Variants in USP3 observed in about 807,000 individuals in gnomAD.
The protein encoded by USP3 is ubiquitin carboxyl-terminal hydrolase 3.
In USP3, 20 loss-of-function variants were observed where a neutral mutation model predicts 72.3. The ratio of observed to expected loss-of-function variants is 0.28; its 90% CI spans 0.19 to 0.40. The LOEUF is 0.40. USP3 is among the 10% of genes least tolerant of loss of function. The pLI is 1.00. For synonymous variants in USP3, 222 were observed against 225.3 expected, an observed-to-expected ratio of 0.99 and a Z score of 0.13; for missense variants, 479 against 633.9, an observed-to-expected ratio of 0.76 and a Z score of 2.62.
intron 1 of USP3, among the ~76,000 whole-genome samples, chr15:63,530,334 T>C (rs572341970): frequency 1.6e-4 from 24 of 150,658 alleles, no homozygotes; most frequent in Admixed American, 1.6e-3. Flanking sequence ...ATCTTTTTTT[T>C]TTTTTTTCCT....
At chr15:63,504,931 A>G (rs940120957) in intron 1 of USP3, 101 bp downstream of exon 1, 1 of 929,692 alleles carries the variant, frequency 1.1e-6, no homozygotes, top group Non-Finnish European at 1.3e-6. Context: ...GGACTCGGGG[A>G]GGGGCGAGGG....
intron 1 of USP3, among the ~76,000 whole-genome samples, chr15:63,505,163 G>A (rs1384610132): frequency 2.6e-5 from 4 of 151,810 alleles, no homozygotes; most frequent in Non-Finnish European, 5.9e-5. Flanking sequence ...GCCGGGGGCT[G>A]TGCCCGTCCG....
intron 1 of USP3, among the ~76,000 whole-genome samples, chr15:63,512,139 T>A (rs1240436495): frequency 6.6e-6 from 1 of 152,000 alleles, no homozygotes; most frequent in Admixed American, 6.6e-5. Flanking sequence ...GTATCTTTAG[T>A]AGAGTCAGGG....
rs2067246460 is a variant in USP3, at chr15:63,593,790, C to G, written c.*2964C>G. 6.6e-6 allele frequency: 1 copy of G among 152,370 alleles called. No individual in the cohort carries two copies. Among genetic ancestry groups the G allele is most frequent in the Non-Finnish European group, 1.5e-5 (1 of 68,042 alleles). The allele number at this position is 152,370 out of a possible 1,614,324, so 9.4% of individuals were successfully genotyped here. A position where few individuals can be genotyped will look rare whatever the true frequency, so the allele number is the denominator to read the frequency against. ...TCTTTTGTCCTCTTCAGGGCTTTTCCCTTGTGCCATGTTGTCTCCAGCAAT... is the reference window on the plus strand; with the variant it reads ...TCTTTTGTCCTCTTCAGGGCTTTTCGCTTGTGCCATGTTGTCTCCAGCAAT... On this transcript the variant is annotated 3_prime_UTR_variant, in exon 15 of 15. Coordinates refer to ENST00000380324, the MANE Select transcript of USP3 (RefSeq NM_006537.4).
chr15:63,537,008 C>T lies in USP3; in HGVS notation c.153-17C>T. 6.2e-7 allele frequency: 1 copy of T among 1,600,948 alleles called. No homozygotes were observed. The highest frequency in any genetic ancestry group is 8.5e-7 in the Non-Finnish European group (1 of 1,174,966). ...CAAAGCAATATTTAAAGTAAATTTT[C>T]ATTTGGTTTTTGTAAGGTATGTGAA... On this transcript the variant is annotated splice_polypyrimidine_tract_variant and intron_variant, in intron 2 of 14. Coordinates refer to ENST00000380324, the MANE Select transcript of USP3 (RefSeq NM_006537.4).
intron 2 of USP3, among the ~76,000 whole-genome samples, chr15:63,535,460 T>C (rs2066141875): frequency 6.6e-6 from 1 of 152,202 alleles, no homozygotes; most frequent in African/African-American, 2.4e-5. Context: ...TTACGTCCAT[T>C]TTACAAATGA....
At position 63,588,451 on chromosome 15, in the gene USP3, C is replaced by A; in HGVS notation, c.1215+28C>A. 1 of 1,493,136 alleles carries A rather than the reference C, an allele frequency of 6.7e-7. No individual in the cohort carries two copies. Among genetic ancestry groups the A allele is most frequent in the Non-Finnish European group, 9.2e-7 (1 of 1,084,534 alleles). The allele number at this position is 1,493,136 out of a possible 1,614,324, so 92.5% of individuals were successfully genotyped here. On this transcript the variant is annotated intron_variant, in intron 12 of 14. Coordinates refer to ENST00000380324, the MANE Select transcript of USP3 (RefSeq NM_006537.4). This position sits in a 1 kb window ranked among gnomAD's most constrained non-coding sequence, Gnocchi z 4.6. ...GAGTGTTGAATTTTGAGTTATGAAG[C>A]AATTTCAATGGGAAAGTGCTTGACT... is the stretch of plus-strand genomic sequence containing the variant.
At chr15:63,545,940 C>T (rs188009852) in intron 3 of USP3, among the ~76,000 whole-genome samples, 1 of 126,862 alleles carries the variant, frequency 7.9e-6, no homozygotes, top group East Asian at 2.3e-4. Flanking sequence ...CATTGCACTC[C>T]AGCCTGGGTG....
In USP3 at chr15:63,574,464, C is replaced by T; in HGVS notation, c.1096+61C>T. 1 of 1,270,144 alleles carries T rather than the reference C, an allele frequency of 7.9e-7. No homozygotes were observed. Among genetic ancestry groups the T allele is most frequent in the Non-Finnish European group, 1.1e-6 (1 of 910,958 alleles). The allele number at this position is 1,270,144 out of a possible 1,614,324, so 78.7% of individuals were successfully genotyped here. On this transcript the variant is annotated intron_variant, in intron 11 of 14. Transcript: ENST00000380324. The surrounding 1 kb of genome is among the most constrained non-coding windows in gnomAD (Gnocchi z 4.6). ...TTAAATAATTGAATAGATTGATAAGCTTCATCTATATGTGGTATCTTTAAT... is the reference window on the plus strand; with the variant it reads ...TTAAATAATTGAATAGATTGATAAGTTTCATCTATATGTGGTATCTTTAAT...
intron 9 of USP3, among the ~76,000 whole-genome samples, chr15:63,572,525 T>G (rs546132633): frequency 6.2e-4 from 94 of 152,318 alleles, no homozygotes; most frequent in African/African-American, 2.1e-3. Flanking sequence ...TTACAAACAG[T>G]ACTTTAAAAA....
chr15:63,590,926 A>G lies in USP3; in HGVS notation c.*100A>G, dbSNP rs1287246242. 2.2e-6 allele frequency: 3 copies of G among 1,375,598 alleles called. No homozygotes were observed. Among genetic ancestry groups the G allele is most frequent in the Non-Finnish European group, 2.9e-6 (3 of 1,047,270 alleles). 85.2% of individuals were successfully genotyped at this position (1,375,598 alleles called of 1,614,324 possible). A position where few individuals can be genotyped will look rare whatever the true frequency, so the allele number is the denominator to read the frequency against. ...ATTTAATTTCATTATGCACTTTTCAATTTCCTATTTTGGATTTAGTTTTGT... is the reference window on the plus strand; with the variant it reads ...ATTTAATTTCATTATGCACTTTTCAGTTTCCTATTTTGGATTTAGTTTTGT... On this transcript the variant is annotated 3_prime_UTR_variant, in exon 15 of 15. Coordinates refer to ENST00000380324, the MANE Select transcript of USP3 (RefSeq NM_006537.4).
chr15:63,579,102 T>C (rs2066912467), intron 11 of USP3, among the ~76,000 whole-genome samples: 1 of 152,070 alleles, frequency 6.6e-6, no homozygotes, highest in African/African-American at 2.4e-5. Context: ...ACAGTAGCAA[T>C]AAAAACTCAA....
Position 63,588,100 on chromosome 15 carries a change from T to C in USP3, c.1097-205T>C. 1 of 422,202 alleles carries C rather than the reference T, an allele frequency of 2.4e-6. No individual in the cohort carries two copies. The highest frequency in any genetic ancestry group is 4.2e-6 in the Non-Finnish European group (1 of 238,734). The allele number at this position is 422,202 out of a possible 1,614,324, so 26.2% of individuals were successfully genotyped here. On this transcript the variant is annotated intron_variant, in intron 11 of 14. Transcript: ENST00000380324. This position sits in a 1 kb window ranked among gnomAD's most constrained non-coding sequence, Gnocchi z 4.6. The stretch of plus-strand genomic sequence containing the variant: ...ACCAGATGTCAGGCATGATGCCAGG[T>C]GCTCTACACATTATTTCTCTTCCTT...
Position 63,553,847 on chromosome 15 carries a change from G to T in USP3, c.368+49G>T. ...AGAAGGGCCTAAGAATGGGGTTGAGGAGTCTTTTAGAATTTTTGAGTGGGG... is the reference window on the plus strand; with the variant it reads ...AGAAGGGCCTAAGAATGGGGTTGAGTAGTCTTTTAGAATTTTTGAGTGGGG... On this transcript the variant is annotated intron_variant, in intron 4 of 14. Coordinates refer to ENST00000380324, the MANE Select transcript of USP3 (RefSeq NM_006537.4). This position sits in a 1 kb window ranked among gnomAD's most constrained non-coding sequence, Gnocchi z 4.2. The T allele has an allele frequency of 1.3e-6, 2 of 1,482,336 alleles. No homozygotes were observed. Among genetic ancestry groups the T allele is most frequent in the Non-Finnish European group, 1.8e-6 (2 of 1,089,926 alleles). The allele number at this position is 1,482,336 out of a possible 1,614,324, so 91.8% of individuals were successfully genotyped here.
At position 63,537,014 on chromosome 15, in the gene USP3, G is replaced by A. The variant is rs754156214; in HGVS notation, c.153-11G>A. On this transcript the variant is annotated splice_polypyrimidine_tract_variant and intron_variant, in intron 2 of 14. Coordinates refer to ENST00000380324, the MANE Select transcript of USP3 (RefSeq NM_006537.4). Reference sequence around the variant, plus strand: ...AATATTTAAAGTAAATTTTCATTTGGTTTTTGTAAGGTATGTGAATGGCCA... The same window carrying A: ...AATATTTAAAGTAAATTTTCATTTGATTTTTGTAAGGTATGTGAATGGCCA... 6.2e-7 allele frequency: 1 copy of A among 1,600,286 alleles called. No individual in the cohort carries two copies. Among genetic ancestry groups the A allele is most frequent in the African/African-American group, 1.3e-5 (1 of 74,210 alleles).
In USP3 at chr15:63,574,784, C is replaced by G. The variant is rs1313132108; in HGVS notation, c.1096+381C>G. On this transcript the variant is annotated intron_variant, in intron 11 of 14. Coordinates refer to ENST00000380324, the MANE Select transcript of USP3 (RefSeq NM_006537.4). This position sits in a 1 kb window ranked among gnomAD's most constrained non-coding sequence, Gnocchi z 4.6. ...ATTATAGTATTACGTATTCTGTTGC[C>G]TAATAGTTTGAGAAATCTATGGATG... 1.3e-5 allele frequency among the ~76,000 whole-genome samples: 2 copies of G among 152,198 alleles called. No individual in the cohort carries two copies. Among genetic ancestry groups the G allele is most frequent in the Non-Finnish European group, 2.9e-5 (2 of 68,032 alleles).
At chr15:63,525,067 G>T (rs2065963413) in intron 1 of USP3, among the ~76,000 whole-genome samples, 1 of 152,180 alleles carries the variant, frequency 6.6e-6, no homozygotes, top group South Asian at 2.1e-4. Context: ...TGATTCAGAA[G>T]AGACTGATTG....
At chr15:63,579,794 A>G (rs1053586582) in intron 11 of USP3, among the ~76,000 whole-genome samples, 1 of 152,224 alleles carries the variant, frequency 6.6e-6, no homozygotes, top group African/African-American at 2.4e-5. Flanking sequence ...GGCAGAGTAC[A>G]TGAGTAAGAT....
chr15:63,553,855 T>C lies in USP3; in HGVS notation c.368+57T>C. The C allele has an allele frequency of 1.4e-6, 2 of 1,431,574 alleles. No homozygotes were observed. The highest frequency in any genetic ancestry group is 1.3e-5 in the South Asian group (1 of 78,306). 88.7% of individuals were successfully genotyped at this position (1,431,574 alleles called of 1,614,324 possible). On this transcript the variant is annotated intron_variant, in intron 4 of 14. Transcript: ENST00000380324. This position sits in a 1 kb window ranked among gnomAD's most constrained non-coding sequence, Gnocchi z 4.2. ...CTAAGAATGGGGTTGAGGAGTCTTT[T>C]AGAATTTTTGAGTGGGGTTTTTGTT...
Sources: allele counts gnomAD v4.1 joint callset (sites outside exome capture counted in the v4.1 genomes callset), GRCh38; gene constraint gnomAD v4.1.1; non-coding constraint Gnocchi (gnomAD v3.1); transcripts MANE v1.5; gene names NCBI Gene and HGNC (gene_info 2026-07-23, HGNC 2026-07-21).